Variants in MGMT observed in about 807,000 individuals in gnomAD.
MGMT encodes O-6-methylguanine-DNA methyltransferase, also known as methylated-DNA--protein-cysteine methyltransferase.
MGMT carries 14 observed loss-of-function variants against 15.9 expected under a neutral mutation model. That is an observed-to-expected ratio of 0.88 (90% CI 0.58 to 1.37). The LOEUF is 1.37. Among genes scored for constraint, MGMT ranks in the 40% most tolerant of loss-of-function variants. The pLI, the probability that MGMT is intolerant of heterozygous loss-of-function variation, is 0.00. For missense variants in MGMT, 282 were observed against 268.1 expected (o/e 1.05, Z -0.36); for synonymous variants, 130 against 118.2 (o/e 1.10, Z -0.65).
At chr10:129,666,887 A>C (rs528135434) in intron 2 of MGMT, among the ~76,000 whole-genome samples, 1 of 152,324 alleles carries the variant, frequency 6.6e-6, no homozygotes, top group East Asian at 1.9e-4. Flanking sequence ...GATTGCTGGA[A>C]GTTCTTGGCT....
At chr10:129,531,471 C>A (rs564275352) in intron 1 of MGMT, among the ~76,000 whole-genome samples, 17 of 152,150 alleles carry the variant, frequency 1.1e-4, no homozygotes, top group Non-Finnish European at 2.5e-4. Flanking sequence ...GTCCGTGATG[C>A]CCTCATTTAG....
rs534922884 is a variant in MGMT, at chr10:129,583,454, A to G, written c.125+47077A>G. ...TCTGTTATTCTTAAATTTTAGACCT[A>G]TTTTGGATCAAGATGGTGTGTTGCT... On this transcript the variant is annotated intron_variant, in intron 2 of 4. Coordinates refer to ENST00000651593, the MANE Select transcript of MGMT (RefSeq NM_002412.5). Among the ~76,000 whole-genome samples the G allele has an allele frequency of 9.2e-5, 14 of 152,304 alleles. 1 individual carries two copies. The South Asian group carries it at 2.9e-3, about 32-fold the overall frequency.
intron 2 of MGMT, among the ~76,000 whole-genome samples, chr10:129,698,359 C>T (rs1402290541): frequency 3.3e-5 from 5 of 152,112 alleles, no homozygotes; most frequent in Non-Finnish European, 7.4e-5. Context: ...GGCTTCTTCT[C>T]TAGGGCTGGG....
chr10:129,685,112 G>C (rs1847890851), intron 2 of MGMT, among the ~76,000 whole-genome samples: 1 of 152,150 alleles, frequency 6.6e-6, no homozygotes, highest in African/African-American at 2.4e-5. Context: ...CAATGTCGTT[G>C]GTCAGCTTAA....
rs373298935 is a variant in MGMT at position 129,488,004 on chromosome 10, TACACACAC to T, written c.-13+20738_-13+20745del. Among the ~76,000 whole-genome samples the T allele has an allele frequency of 4.4e-3, 532 of 121,486 alleles. 1 individual carries two copies. The highest frequency in any genetic ancestry group is 5.3e-3 in the Non-Finnish European group (320 of 60,358). The allele number at this position is 121,486 out of a possible 152,430, so 79.7% of individuals were successfully genotyped here. On this transcript the variant is annotated intron_variant, in intron 1 of 4. Transcript: ENST00000651593. The stretch of plus-strand genomic sequence containing the variant: ...ATACACACACACACACACATAGGTA[TACACACAC>T]ACACACACACACACACACACACACA...
rs1848966783 is a variant in MGMT at position 129,768,706 on chromosome 10, T to C, written c.*1709T>C. On this transcript the variant is annotated 3_prime_UTR_variant, in exon 5 of 5. Transcript: ENST00000651593. ...GCCCGGGTGTGCGAGCCGCGAGTGC[T>C]TTCCAACAGAGGGCACCAGAGCCGT... 6.6e-6 allele frequency: 1 copy of C among 152,280 alleles called. No individual in the cohort carries two copies. Among genetic ancestry groups the C allele is most frequent in the Non-Finnish European group, 1.5e-5 (1 of 68,102 alleles). The allele number at this position is 152,280 out of a possible 1,614,324, so 9.4% of individuals were successfully genotyped here.
Position 129,467,359 on chromosome 10 carries a change from C to T in MGMT, c.-13+63C>T, listed in dbSNP as rs1422390210. The T allele has an allele frequency of 5.4e-6, 8 of 1,471,006 alleles. No individual in the cohort carries two copies. The South Asian group carries it at 9.3e-5, about 17-fold the overall frequency. 91.1% of individuals were successfully genotyped at this position (1,471,006 alleles called of 1,614,324 possible). On this transcript the variant is annotated intron_variant, in intron 1 of 4. Coordinates refer to ENST00000651593, the MANE Select transcript of MGMT (RefSeq NM_002412.5). ...GAGCTCTCCCTCGGGACGGTGGCAGCCTCGAGTGGTCCTGCAGGCGCCCTC... is the reference window on the plus strand; with the variant it reads ...GAGCTCTCCCTCGGGACGGTGGCAGTCTCGAGTGGTCCTGCAGGCGCCCTC...
At chr10:129,728,010 G>C (rs1848452370) in intron 3 of MGMT, among the ~76,000 whole-genome samples, 1 of 152,142 alleles carries the variant, frequency 6.6e-6, no homozygotes, top group African/African-American at 2.4e-5. Flanking sequence ...CCTCCCTCCA[G>C]GCCAAGAAGG....
chr10:129,605,510 A>C (rs1846878427), intron 2 of MGMT, among the ~76,000 whole-genome samples: 1 of 152,192 alleles, frequency 6.6e-6, no homozygotes, highest in African/African-American at 2.4e-5. Context: ...AAACAGAATA[A>C]ACAGACAATG....
intron 2 of MGMT, among the ~76,000 whole-genome samples, chr10:129,568,235 G>A (rs1250546063): frequency 6.6e-6 from 1 of 152,182 alleles, no homozygotes; most frequent in Admixed American, 6.5e-5. Flanking sequence ...CTTTTTAAAG[G>A]ACTGTGATAA....
At chr10:129,719,739 C>T (rs1033589532) in intron 3 of MGMT, among the ~76,000 whole-genome samples, 2 of 152,098 alleles carry the variant, frequency 1.3e-5, no homozygotes, top group South Asian at 2.1e-4. Context: ...GTTGAAATGC[C>T]GAGGGTCAGG....
chr10:129,623,141 T>A (rs970660286), intron 2 of MGMT, among the ~76,000 whole-genome samples: 5 of 152,060 alleles, frequency 3.3e-5, no homozygotes, highest in African/African-American at 1.2e-4. Context: ...CATAACTGAT[T>A]AGTGCCTTGC....
intron 2 of MGMT, among the ~76,000 whole-genome samples, chr10:129,665,834 G>T (rs79014160): frequency 3.3e-5 from 5 of 152,164 alleles, no homozygotes; most frequent in Admixed American, 1.3e-4. Flanking sequence ...GAGACATGGC[G>T]ACTGAATACA....
At chr10:129,622,480 A>G (rs1847101421) in intron 2 of MGMT, among the ~76,000 whole-genome samples, 1 of 152,226 alleles carries the variant, frequency 6.6e-6, no homozygotes, top group Admixed American at 6.5e-5. Context: ...ACGGTATTGA[A>G]TCATGTAAGT....
At chr10:129,732,561 TTTA>T (rs942161824) in intron 3 of MGMT, among the ~76,000 whole-genome samples, 4 of 151,590 alleles carry the variant, frequency 2.6e-5, no homozygotes, top group African/African-American at 9.7e-5. Context: ...TTTTTTTTAA[TTTA>T]TTATTATTAT....
chr10:129,593,852 G>A (rs146187895), intron 2 of MGMT, among the ~76,000 whole-genome samples: 57 of 152,322 alleles, frequency 3.7e-4, no homozygotes, highest in African/African-American at 1.3e-3. Context: ...GTGAATCCAC[G>A]CTCCAGGTGA....
At chr10:129,717,142 G>A (rs138481214) in intron 3 of MGMT, among the ~76,000 whole-genome samples, 19 of 152,218 alleles carry the variant, frequency 1.2e-4, no homozygotes, top group Non-Finnish European at 2.2e-4. Flanking sequence ...GCTTCAGCCC[G>A]GCAACACAAA....
chr10:129,589,623 G>A (rs952800327), intron 2 of MGMT, among the ~76,000 whole-genome samples: 12 of 152,194 alleles, frequency 7.9e-5, no homozygotes, highest in African/African-American at 2.7e-4. Context: ...AACTCAAGTC[G>A]GATATCGGCA....
intron 1 of MGMT, among the ~76,000 whole-genome samples, chr10:129,468,372 T>C (rs1362130558): frequency 6.6e-6 from 1 of 152,042 alleles, no homozygotes; most frequent in Non-Finnish European, 1.5e-5. Flanking sequence ...TCACGTTAAC[T>C]CAGAGGGCCA....
Sources: allele counts gnomAD v4.1 joint callset (sites outside exome capture counted in the v4.1 genomes callset), GRCh38; gene constraint gnomAD v4.1.1; transcripts MANE v1.5; gene names NCBI Gene and HGNC (gene_info 2026-07-23, HGNC 2026-07-21).